Variants in SLC8A1 observed in about 807,000 individuals in gnomAD.
SLC8A1 encodes solute carrier family 8 member A1.
SLC8A1 carries 18 observed loss-of-function variants against 68.3 expected under a neutral mutation model. That is an observed-to-expected ratio of 0.26 (90% CI 0.18 to 0.39). The LOEUF (loss-of-function observed/expected upper bound fraction) is 0.39, where lower values mean the gene tolerates loss of function less well. Ranked by LOEUF, SLC8A1 falls within the 10% of genes least tolerant of loss-of-function variation. SLC8A1 has a pLI of 1.00. For synonymous variants in SLC8A1, 475 were observed against 415.5 expected (o/e 1.14, Z -1.74); for missense variants, 985 against 1,156.7 (o/e 0.85, Z 2.15).
At chr2:40,429,335 C>T in exon 2 of SLC8A1, 1 of 1,613,868 alleles carries the variant, frequency 6.2e-7, no homozygotes. Flanking sequence ...TCATCTTGGT[C>T]CCTCTCATCC....
chr2:40,233,447 GT>G (rs1187525829), intron 2 of SLC8A1, among the ~76,000 whole-genome samples: 1 of 145,878 alleles, frequency 6.9e-6, no homozygotes, highest in African/African-American at 2.5e-5. Flanking sequence ...GGGGTTGTTT[GT>G]TTTTTTCTTG....
intron 2 of SLC8A1, among the ~76,000 whole-genome samples, chr2:40,296,855 G>A (rs4952606): frequency 2.0e-5 from 3 of 152,002 alleles, no homozygotes; most frequent in Non-Finnish European, 4.4e-5. Flanking sequence ...TTTCACCCAG[G>A]TAGTTGACAA....
intron 1 of SLC8A1, among the ~76,000 whole-genome samples, chr2:40,489,172 A>G (rs927984770): frequency 2.6e-5 from 4 of 152,154 alleles, no homozygotes; most frequent in Admixed American, 2.6e-4. Flanking sequence ...ACAGAACAAG[A>G]GAAACCTGCC....
chr2:40,388,237 G>T (rs1441623153), intron 2 of SLC8A1, among the ~76,000 whole-genome samples: 1 of 152,090 alleles, frequency 6.6e-6, no homozygotes, highest in African/African-American at 2.4e-5. Flanking sequence ...GCTTAAACTT[G>T]AATTGCTACA....
exon 2 of SLC8A1, chr2:40,430,210 C>G (rs2149788190): frequency 6.2e-7 from 1 of 1,613,686 alleles, no homozygotes; most frequent in Non-Finnish European, 8.5e-7. Flanking sequence ...AAATAAGAGA[C>G]TCACAGTAAC....
intron 2 of SLC8A1, among the ~76,000 whole-genome samples, chr2:40,273,843 A>C (rs1277675235): frequency 2.0e-5 from 3 of 151,552 alleles, no homozygotes; most frequent in Admixed American, 1.3e-4. Flanking sequence ...AACGAGGAAA[A>C]CATAGTTAAT....
chr2:40,178,362 C>T (rs372623365), intron 2 of SLC8A1, 25 bp downstream of exon 3: 5 of 1,589,260 alleles, frequency 3.1e-6, no homozygotes, highest in East Asian at 2.2e-5. Flanking sequence ...AGCTGTTGGG[C>T]TCAGCCCTGG....
chr2:40,345,068 T>C (rs892646741), intron 2 of SLC8A1, among the ~76,000 whole-genome samples: 1 of 152,148 alleles, frequency 6.6e-6, no homozygotes, highest in Non-Finnish European at 1.5e-5. Context: ...ACTGGTTAAG[T>C]CCAAGCTTGG....
At position 40,435,522 on chromosome 2, in the gene SLC8A1, T is replaced by A. The variant is rs554279368; in HGVS notation, c.-24-5218A>T. On this transcript the variant is annotated intron_variant, in intron 1 of 7. Transcript: ENST00000406785. ...ACTTTGGGACAGGTGCCGAAGGGGA[T>A]GGGCTATGAGCGGTCACATCATAGG... Among the ~76,000 whole-genome samples, 88 of 152,294 alleles carry A rather than the reference T, an allele frequency of 5.8e-4. No homozygotes were observed. The Middle Eastern group carries it at 0.017, about 29-fold the overall frequency.
At chr2:40,400,091 G>A (rs547633346) in intron 2 of SLC8A1, among the ~76,000 whole-genome samples, 13 of 152,224 alleles carry the variant, frequency 8.5e-5, no homozygotes, top group Non-Finnish European at 1.3e-4. Flanking sequence ...AATCGATCAC[G>A]ACCCTCTCGC....
intron 2 of SLC8A1, among the ~76,000 whole-genome samples, chr2:40,321,837 G>A (rs552951520): frequency 1.1e-4 from 17 of 152,058 alleles, no homozygotes; most frequent in African/African-American, 1.7e-4. Context: ...CAACCAAGCC[G>A]TATCACCATC....
intron 2 of SLC8A1, among the ~76,000 whole-genome samples, chr2:40,296,043 T>C (rs2070317863): frequency 6.6e-6 from 1 of 152,100 alleles, no homozygotes; most frequent in Admixed American, 6.6e-5. Flanking sequence ...CTATAGAGCT[T>C]GTTATTGCTC....
intron 2 of SLC8A1, among the ~76,000 whole-genome samples, chr2:40,364,822 A>T (rs963739219): frequency 6.6e-6 from 1 of 152,120 alleles, no homozygotes; most frequent in Admixed American, 6.6e-5. Context: ...AAAATAATAC[A>T]GTGATGAGGA....
At chr2:40,269,709 C>T (rs1276382910) in intron 2 of SLC8A1, among the ~76,000 whole-genome samples, 1 of 152,074 alleles carries the variant, frequency 6.6e-6, no homozygotes, top group Admixed American at 6.5e-5. Flanking sequence ...GAGGTGGTCA[C>T]TGTGCTCAGC....
At chr2:40,356,100 C>T (rs928655507) in intron 2 of SLC8A1, among the ~76,000 whole-genome samples, 1 of 152,164 alleles carries the variant, frequency 6.6e-6, no homozygotes, top group Non-Finnish European at 1.5e-5. Flanking sequence ...TCCAGGAAGC[C>T]TTACTGAGCT....
rs141303663 is a variant in SLC8A1 at position 40,449,364 on chromosome 2, T to C, written c.-25+2540A>G. On this transcript the variant is annotated intron_variant, in intron 1 of 7. Transcript: ENST00000406785. ...AGATTGAATACTAAGAGGAATCATG[T>C]GTTTATTTTGCAAGTAAATAAAAGT... Among the ~76,000 whole-genome samples the C allele has an allele frequency of 6.7e-4, 102 of 152,306 alleles. 1 individual carries two copies. The East Asian group carries it at 0.012, about 18-fold the overall frequency.
intron 2 of SLC8A1, among the ~76,000 whole-genome samples, chr2:40,222,846 A>C (rs538133216): frequency 6.6e-6 from 1 of 152,350 alleles, no homozygotes; most frequent in African/African-American, 2.4e-5. Context: ...TAGAATGGTG[A>C]TCATTAAAAA....
At chr2:40,130,882 A>G (rs1044387433) in intron 7 of SLC8A1, among the ~76,000 whole-genome samples, 16 of 152,254 alleles carry the variant, frequency 1.1e-4, no homozygotes, top group Non-Finnish European at 1.5e-5. Context: ...GCACATTTGG[A>G]TATGTCCACC....
At chr2:40,152,064 T>TG (rs1398402423) in intron 6 of SLC8A1, among the ~76,000 whole-genome samples, 4 of 152,212 alleles carry the variant, frequency 2.6e-5, no homozygotes, top group African/African-American at 9.6e-5. Flanking sequence ...AGTGACATAT[T>TG]GTGAAGTCAG....
Sources: allele counts gnomAD v4.1 joint callset (sites outside exome capture counted in the v4.1 genomes callset), GRCh38; gene constraint gnomAD v4.1.1; transcripts MANE v1.5; gene names NCBI Gene and HGNC (gene_info 2026-07-23, HGNC 2026-07-21).